Variants in CYP4B1 observed in about 807,000 individuals in gnomAD.
CYP4B1 encodes cytochrome P450 family 4 subfamily B member 1.
CYP4B1 carries 45 observed loss-of-function variants against 54.0 expected under a neutral mutation model. That is an observed-to-expected ratio of 0.83 (90% CI 0.66 to 1.07). The LOEUF (loss-of-function observed/expected upper bound fraction) is 1.07, where lower values mean the gene tolerates loss of function less well. Among genes scored for constraint, CYP4B1 ranks in the 50% least tolerant of loss-of-function variants. CYP4B1 has a pLI of 0.00. For synonymous variants in CYP4B1, 248 were observed against 247.5 expected (o/e 1.00, Z -0.02); for missense variants, 656 against 655.4 (o/e 1.00, Z -0.01).
At chr1:46,814,643 T>C (rs1679260274) in intron 7 of CYP4B1, 1 of 338,308 alleles carries the variant, frequency 3.0e-6, no homozygotes, top group African/African-American at 2.1e-5. Flanking sequence ...GTAAGTTCTT[T>C]ATTCATCAAT....
intron 4 of CYP4B1, among the ~76,000 whole-genome samples, 169 bp from the exon 5 acceptor site, chr1:46,813,313 C>T (rs1479794753): frequency 6.6e-6 from 1 of 152,202 alleles, no homozygotes; most frequent in African/African-American, 2.4e-5. Flanking sequence ...TTCTACCCAC[C>T]CTATCCTGAT....
chr1:46,804,772 C>A (rs868546170), intron 1 of CYP4B1, among the ~76,000 whole-genome samples: 114 of 152,026 alleles, frequency 7.5e-4, no homozygotes, highest in African/African-American at 2.5e-3. Flanking sequence ...GTAGAGAGGG[C>A]AGTTGAAATA....
intron 4 of CYP4B1, 21 bp downstream of exon 4, chr1:46,812,644 T>A: frequency 6.2e-7 from 1 of 1,608,510 alleles, no homozygotes; most frequent in Non-Finnish European, 8.5e-7. Flanking sequence ...TGTGCCAGAG[T>A]ACTGGAGGCT....
chr1:46,814,891 G>C (rs564739123), intron 7 of CYP4B1, 183 bp from the exon 8 acceptor site: 32 of 604,132 alleles, frequency 5.3e-5, no homozygotes, highest in African/African-American at 4.8e-4. Flanking sequence ...CTTTGTGGAG[G>C]AGGAGGCATC....
rs1678502528 is a variant in CYP4B1, at chr1:46,799,138, G to A, written c.57G>A (p.Gly19=). The part of the protein sequence containing the change: ...SFSSLGLWAS[G]LILVLGFLKL... ...CCTCCTTGGGCCTGTGGGCTTCTGG[G>A]CTGATCTTGGTCTTAGGCTTTCTCA... is the stretch of plus-strand genomic sequence containing the variant. Residue 19 remains glycine, a synonymous_variant, in exon 1 of 12, where the codon GGG becomes GGA. Coordinates refer to ENST00000371923, the MANE Select transcript of CYP4B1 (RefSeq NM_001099772.2). 1 of 1,613,946 alleles carries A rather than the reference G, an allele frequency of 6.2e-7. No homozygotes were observed. The highest frequency in any genetic ancestry group is 1.3e-5 in the African/African-American group (1 of 75,052).
At chr1:46,805,753 C>A (rs1234569412) in intron 1 of CYP4B1, among the ~76,000 whole-genome samples, 2 of 152,208 alleles carry the variant, frequency 1.3e-5, no homozygotes, top group Non-Finnish European at 2.9e-5. Context: ...CATCTTCTCC[C>A]TTTTGGTTGT....
intron 9 of CYP4B1, 66 bp from the exon 10 acceptor site, chr1:46,817,899 A>T: frequency 6.9e-7 from 1 of 1,448,456 alleles, no homozygotes; most frequent in South Asian, 1.1e-5. Context: ...GGGGACTCTG[A>T]CCTTATGTGG....
chr1:46,813,461 C>T (rs902133320), intron 4 of CYP4B1, 21 bp from the exon 5 acceptor site: 4 of 1,613,958 alleles, frequency 2.5e-6, no homozygotes, highest in East Asian at 2.2e-5. Flanking sequence ...CTACACATTG[C>T]CTCCTATCCC....
chr1:46,812,694 C>T, intron 4 of CYP4B1, 71 bp downstream of exon 4: 1 of 1,554,158 alleles, frequency 6.4e-7, no homozygotes, highest in Non-Finnish European at 8.8e-7. Flanking sequence ...CTGATTTTGT[C>T]CTGGGGAGAG....
At chr1:46,811,040 G>A in intron 2 of CYP4B1, 91 bp downstream of exon 2, 2 of 1,600,948 alleles carry the variant, frequency 1.2e-6, no homozygotes, top group East Asian at 2.2e-5. Context: ...GCCTGGGCCT[G>A]TGTACTAAGT....
rs775371411 is a variant in CYP4B1, at chr1:46,814,203, G to T, written c.776-6G>T. 2 of 1,614,070 alleles carry T rather than the reference G, an allele frequency of 1.2e-6. No homozygotes were observed. The highest frequency in any genetic ancestry group is 2.7e-5 in the African/African-American group (2 of 75,028). On this transcript the variant is annotated splice_polypyrimidine_tract_variant and splice_region_variant and intron_variant, in intron 6 of 11. Coordinates refer to ENST00000371923, the MANE Select transcript of CYP4B1 (RefSeq NM_001099772.2). The stretch of plus-strand genomic sequence containing the variant: ...CAGGCAGTGACACTCTGTGCTTTTG[G>T]TTCAGACCAGGTCATCAGGGAGCGG...
Position 46,813,925 on chromosome 1 carries a change from T to C in CYP4B1, c.637T>C (p.Tyr213His), listed in dbSNP as rs1436183169. ...TCTGCTTAGCAGGGACAGCAGCTAC[T>C]ACCTTGCAGTCAGCGATCTCACTCT... is the stretch of plus-strand genomic sequence containing the variant. ...GLGHSRDSSY[Y>H]LAVSDLTLLM... The change falls in exon 6 of 12, where the codon TAC (tyrosine) becomes CAC (histidine). Residue 213 changes from tyrosine (Y) to histidine (H), a missense_variant. Physicochemically the swap from Tyr to His is moderately conservative, Grantham distance 83. Coordinates refer to ENST00000371923, the MANE Select transcript of CYP4B1 (RefSeq NM_001099772.2). 6.2e-7 allele frequency: 1 copy of C among 1,614,052 alleles called. No individual in the cohort carries two copies. The highest frequency in any genetic ancestry group is 8.5e-7 in the Non-Finnish European group (1 of 1,180,008).
Position 46,819,083 on chromosome 1 carries a change from T to G in CYP4B1, c.*269T>G, listed in dbSNP as rs992360889. 2.8e-6 allele frequency: 1 copy of G among 352,944 alleles called. No homozygotes were observed. Among genetic ancestry groups the G allele is most frequent in the African/African-American group, 2.1e-5 (1 of 48,260 alleles). 21.9% of individuals were successfully genotyped at this position (352,944 alleles called of 1,614,324 possible). A position where few individuals can be genotyped will look rare whatever the true frequency, so the allele number is the denominator to read the frequency against. On this transcript the variant is annotated 3_prime_UTR_variant, in exon 12 of 12. Transcript: ENST00000371923. Reference sequence around the variant, plus strand: ...CCTATTTCGTTCGAGAAACTTCATTTATCTCCTATAATTGGCAAACTTAAA... The same window carrying G: ...CCTATTTCGTTCGAGAAACTTCATTGATCTCCTATAATTGGCAAACTTAAA...
intron 1 of CYP4B1, among the ~76,000 whole-genome samples, chr1:46,806,342 T>A (rs1477588562): frequency 1.3e-5 from 2 of 152,212 alleles, no homozygotes; most frequent in African/African-American, 4.8e-5. Flanking sequence ...TGATTTTCAT[T>A]CTGAAGCAGC....
intron 1 of CYP4B1, among the ~76,000 whole-genome samples, chr1:46,805,089 G>A (rs972119814): frequency 3.9e-5 from 6 of 152,224 alleles, no homozygotes; most frequent in African/African-American, 1.4e-4. Flanking sequence ...ATGCCCATGT[G>A]TTGGAAGAGT....
chr1:46,818,908 C>T lies in CYP4B1; in HGVS notation c.*94C>T. 8.6e-7 allele frequency: 1 copy of T among 1,166,230 alleles called. No individual in the cohort carries two copies. Among genetic ancestry groups the T allele is most frequent in the South Asian group, 1.4e-5 (1 of 71,416 alleles). The allele number at this position is 1,166,230 out of a possible 1,614,324, so 72.2% of individuals were successfully genotyped here. A position where few individuals can be genotyped will look rare whatever the true frequency, so the allele number is the denominator to read the frequency against. On this transcript the variant is annotated 3_prime_UTR_variant, in exon 12 of 12. Coordinates refer to ENST00000371923, the MANE Select transcript of CYP4B1 (RefSeq NM_001099772.2). ...GGTGTGGAGGAGTTGGGGCCCCCTG[C>T]CTTCAGGAGGCTTGTAGTTTAGAAG...
chr1:46,817,889 G>T, intron 9 of CYP4B1, 76 bp from the exon 10 acceptor site: 2 of 1,333,602 alleles, frequency 1.5e-6, no homozygotes, highest in South Asian at 1.2e-5. Context: ...GGGGTCACTA[G>T]GGGACTCTGA....
chr1:46,814,152 TC>T, intron 6 of CYP4B1, 56 bp from the exon 7 acceptor site: 1 of 1,610,878 alleles, frequency 6.2e-7, no homozygotes, highest in Non-Finnish European at 8.5e-7. Flanking sequence ...GGACCCCAGT[TC>T]CCCTTTGGAC....
At chr1:46,802,193 G>T (rs904938138) in intron 1 of CYP4B1, among the ~76,000 whole-genome samples, 8 of 151,748 alleles carry the variant, frequency 5.3e-5, no homozygotes, top group Admixed American at 1.3e-4. Context: ...GTGTGTGGGT[G>T]TGTGTGTGTG....
Sources: gnomAD v4.1 joint callset for allele counts (sites outside exome capture counted in the v4.1 genomes callset) on GRCh38, gnomAD v4.1.1 for gene constraint, MANE v1.5 for transcripts, NCBI Gene and HGNC (gene_info 2026-07-23, HGNC 2026-07-21) for gene names.